PAM16: variants seen among roughly 807,000 people sequenced by gnomAD.
PAM16 encodes the protein presequence translocase associated motor 16.
A neutral mutation model predicts 17.9 loss-of-function variants in PAM16; 11 were observed. The observed-to-expected ratio is 0.62, with a 90% confidence interval of 0.39 to 1.02. The LOEUF is 1.02. Ranked by LOEUF, PAM16 falls within the 50% of genes least tolerant of loss-of-function variation. The probability of loss-of-function intolerance (pLI) is 0.01; values close to 1 mark genes in which losing one functional copy is unlikely to be tolerated. For missense variants in PAM16, 199 were observed against 165.4 expected, an observed-to-expected ratio of 1.20 and a Z score of -1.11; for synonymous variants, 72 against 67.4, an observed-to-expected ratio of 1.07 and a Z score of -0.34.
chr16:4,341,473 G>A lies in PAM16; in HGVS notation c.120C>T (p.Arg40=), dbSNP rs773323223. 8.7e-6 allele frequency: 14 copies of A among 1,610,164 alleles called. No homozygotes were observed. The highest frequency in any genetic ancestry group is 1.3e-5 in the African/African-American group (1 of 75,020). The change falls in exon 3 of 5, where the codon CGC becomes CGT. Residue 40 remains arginine, a synonymous_variant. Transcript: ENST00000318059. ...AAGCGGCTGCAGACCGGTGTCCAGC[G>A]CGTCCTCGGGCATCAGCTGCGGCCC... ...ASRAAADARG[R]AGHRSAAASN... is the part of the protein sequence containing the mutation.
chr16:4,343,149 G>A (rs1257283572), intron 2 of PAM16, 58 bp downstream of exon 2: 26 of 1,610,476 alleles, frequency 1.6e-5, no homozygotes, highest in Non-Finnish European at 2.1e-5. Flanking sequence ...ATGGCTACGG[G>A]GAAAATCTGA....
At chr16:4,342,421 G>A (rs370676388) in intron 2 of PAM16, among the ~76,000 whole-genome samples, 95 of 151,854 alleles carry the variant, frequency 6.3e-4, no homozygotes, top group African/African-American at 3.4e-4. Flanking sequence ...TCAGGAGGCC[G>A]AGGTGGGCAT....
At chr16:4,351,161 T>A (rs1006757580) in intron 1 of PAM16, 71 bp downstream of exon 1, 30 of 958,990 alleles carry the variant, frequency 3.1e-5, no homozygotes, top group Non-Finnish European at 3.7e-5. Flanking sequence ...AGCCCGGAGC[T>A]CGCCGCCCGG....
intron 2 of PAM16, 118 bp from the exon 3 acceptor site, chr16:4,341,622 G>A (rs1340397826): frequency 6.9e-7 from 1 of 1,447,600 alleles, no homozygotes; most frequent in Non-Finnish European, 9.1e-7. Flanking sequence ...GGGACAGGTG[G>A]CTAGGAGCTG....
chr16:4,345,804 T>TA, intron 1 of PAM16: 1 of 983,458 alleles, frequency 1.0e-6, no homozygotes, highest in Non-Finnish European at 1.2e-6. Flanking sequence ...GCCTCCTTCC[T>TA]AAAGCCCCTC....
intron 1 of PAM16, 131 bp from the exon 2 acceptor site, chr16:4,343,422 G>C: frequency 6.9e-7 from 1 of 1,456,126 alleles, no homozygotes; most frequent in Non-Finnish European, 9.1e-7. Flanking sequence ...TGCAGCCCCA[G>C]GCCAACCCCT....
intron 2 of PAM16, among the ~76,000 whole-genome samples, chr16:4,342,887 G>A (rs373483192): frequency 2.0e-5 from 3 of 152,148 alleles, no homozygotes; most frequent in Non-Finnish European, 2.9e-5. Context: ...TGAACCAGGA[G>A]GCAGAGGTTG....
rs1043147018 is a variant in PAM16, at chr16:4,343,481, A to T, written c.4-190T>A. 6 of 1,429,992 alleles carry T rather than the reference A, an allele frequency of 4.2e-6. No individual in the cohort carries two copies. The African/African-American group carries it at 7.2e-5, about 17-fold the overall frequency. The allele number at this position is 1,429,992 out of a possible 1,614,324, so 88.6% of individuals were successfully genotyped here. ...TCCATGGTGGGTGGCTTAGTTACTCACTGGACAGGCAGGCAGGCGGGTGAA... is the reference window on the plus strand; with the variant it reads ...TCCATGGTGGGTGGCTTAGTTACTCTCTGGACAGGCAGGCAGGCGGGTGAA... On this transcript the variant is annotated intron_variant, in intron 1 of 4. Coordinates refer to ENST00000318059, the MANE Select transcript of PAM16 (RefSeq NM_016069.11).
At chr16:4,342,700 C>T (rs1175948494) in intron 2 of PAM16, among the ~76,000 whole-genome samples, 1 of 151,960 alleles carries the variant, frequency 6.6e-6, no homozygotes, top group Non-Finnish European at 1.5e-5. Context: ...GGCGCTGTGG[C>T]TCACACCTGT....
intron 1 of PAM16, chr16:4,347,997 G>A (rs1053769619): frequency 6.6e-6 from 1 of 152,268 alleles, no homozygotes; most frequent in African/African-American, 2.4e-5. Flanking sequence ...ACACTGACTT[G>A]TGTCTTTGAG....
In PAM16 at chr16:4,343,383, C is replaced by T. The variant is rs1258863204; in HGVS notation, c.4-92G>A. On this transcript the variant is annotated intron_variant, in intron 1 of 4. Transcript: ENST00000318059. ...AACGGCTGCCGAGGGGCAAGGCTCC[C>T]GGAGACCCGAGGTCATGAAGCACAG... 4.6e-6 allele frequency: 7 copies of T among 1,514,626 alleles called. No individual in the cohort carries two copies. The East Asian group carries it at 7.4e-5, about 16-fold the overall frequency. The allele number at this position is 1,514,626 out of a possible 1,614,324, so 93.8% of individuals were successfully genotyped here.
At chr16:4,348,787 C>G (rs1320723807) in intron 1 of PAM16, 1 of 151,724 alleles carries the variant, frequency 6.6e-6, no homozygotes, top group Admixed American at 6.6e-5. Context: ...TCCTGAGTAG[C>G]TGGGACTACA....
Position 4,340,954 on chromosome 16 carries a change from T to A in PAM16, c.257A>T (p.Lys86Ile). 6.2e-7 allele frequency: 1 copy of A among 1,613,676 alleles called. No individual in the cohort carries two copies. The highest frequency in any genetic ancestry group is 2.2e-5 in the East Asian group (1 of 44,880). Reference sequence around the variant, plus strand: ...CAGGTAGAAGGAGCCACCCACGGATTTATCATTCACCTTAAATAAGTGTTC... The same window carrying A: ...CAGGTAGAAGGAGCCACCCACGGATATATCATTCACCTTAAATAAGTGTTC... Reference protein sequence around the residue: ...NYEHLFKVNDKSVGGSFYLQS... With the variant: ...NYEHLFKVNDISVGGSFYLQS... Residue 86 changes from lysine to isoleucine, a missense_variant, in exon 4 of 5, where the codon AAA becomes ATA. Coordinates refer to ENST00000318059, the MANE Select transcript of PAM16 (RefSeq NM_016069.11).
chr16:4,346,087 A>C, intron 1 of PAM16: 30 of 514,698 alleles, frequency 5.8e-5, no homozygotes, highest in South Asian at 1.7e-4. Context: ...CTTCAAACCA[A>C]AGCGGCGTGG....
At chr16:4,343,817 A>G (rs1048653241) in intron 1 of PAM16, 7 of 399,942 alleles carry the variant, frequency 1.8e-5, no homozygotes, top group Non-Finnish European at 3.1e-5. Context: ...TTACTATGCA[A>G]ACCTGTTTCC....
intron 2 of PAM16, among the ~76,000 whole-genome samples, chr16:4,342,570 C>T (rs542209776): frequency 6.6e-6 from 1 of 151,628 alleles, no homozygotes; most frequent in South Asian, 2.1e-4. Flanking sequence ...AGAAGAATTG[C>T]TTGAACCCGG....
intron 1 of PAM16, chr16:4,344,213 GC>G (rs199534468): frequency 3.1e-6 from 1 of 323,552 alleles, no homozygotes; most frequent in Non-Finnish European, 5.4e-6. Flanking sequence ...TGAGAGGAGG[GC>G]GTTCCGTGAG....
At chr16:4,344,875 C>G (rs1255442121) in intron 1 of PAM16, among the ~76,000 whole-genome samples, 1 of 142,536 alleles carries the variant, frequency 7.0e-6, no homozygotes, top group Non-Finnish European at 1.5e-5. Context: ...GGGGTTCCTC[C>G]TGGGCTGGGC....
intron 1 of PAM16, chr16:4,345,168 G>C (rs2053736645): frequency 6.6e-6 from 1 of 152,166 alleles, no homozygotes; most frequent in East Asian, 1.9e-4. Flanking sequence ...GCTCGGCATA[G>C]GTTGAAAGCT....
Sources: gnomAD v4.1 joint callset for allele counts (sites outside exome capture counted in the v4.1 genomes callset) on GRCh38, gnomAD v4.1.1 for gene constraint, MANE v1.5 for transcripts, NCBI Gene and HGNC (gene_info 2026-07-23, HGNC 2026-07-21) for gene names.